The following BLCAP variants were observed in gnomAD, a reference collection of about 807,000 sequenced individuals.
BLCAP encodes the protein apoptosis inducing factor BLCAP.
In BLCAP, 1 loss-of-function variant was observed where a neutral mutation model predicts 5.7. That is an observed-to-expected ratio of 0.18 (90% CI 0.06 to 0.83). The LOEUF (loss-of-function observed/expected upper bound fraction) is 0.83. Among genes scored for constraint, BLCAP ranks in the 40% least tolerant of loss-of-function variants. The pLI, the probability that BLCAP is intolerant of heterozygous loss-of-function variation, is 0.71. For missense variants in BLCAP, 66 were observed against 107.6 expected (o/e 0.61, Z 1.71); for synonymous variants, 48 against 49.4 (o/e 0.97, Z 0.11).
intron 1 of BLCAP, chr20:37,522,588 G>A (rs1232283908): frequency 1.4e-6 from 2 of 1,430,650 alleles, no homozygotes; most frequent in Non-Finnish European, 1.9e-6. Flanking sequence ...AGGGGGTGGG[G>A]CGGGGGTGGG....
At chr20:37,526,362 TC>T (rs557712298) in intron 1 of BLCAP, among the ~76,000 whole-genome samples, 2 of 146,928 alleles carry the variant, frequency 1.4e-5, no homozygotes, top group Non-Finnish European at 3.0e-5. Context: ...CAATCTCTTT[TC>T]CCCCCGGTAA....
rs762381547 is a variant in BLCAP, at chr20:37,518,866, C to T, written c.*45G>A. ...TGCTTTATGACCTATGTCAATGCCT[C>T]CCCTCCCGTCTTCTGCTTCCTTGGA... is the stretch of plus-strand genomic sequence containing the variant. On this transcript the variant is annotated 3_prime_UTR_variant, in exon 2 of 2. Coordinates refer to ENST00000373537, the MANE Select transcript of BLCAP (RefSeq NM_006698.4). 2.5e-5 allele frequency: 40 copies of T among 1,600,516 alleles called. 2 individuals carry two copies. The South Asian group carries it at 4.3e-4, about 17-fold the overall frequency.
chr20:37,519,338 GGCA>G lies in BLCAP; in HGVS notation c.-167_-165del. The G allele has an allele frequency of 1.8e-6, 1 of 565,526 alleles. No individual in the cohort carries two copies. Among genetic ancestry groups the G allele is most frequent in the East Asian group, 4.9e-5 (1 of 20,464 alleles). The allele number at this position is 565,526 out of a possible 1,614,324, so 35.0% of individuals were successfully genotyped here. ...CTGGCTGTCAGCCCGGGATCACCAA[GGCA>G]GCAGGGATCCTGAAGAGAAAAGTCA... On this transcript the variant is annotated 5_prime_UTR_variant, in exon 2 of 2. Coordinates refer to ENST00000373537, the MANE Select transcript of BLCAP (RefSeq NM_006698.4).
chr20:37,526,271 T>TCCCCCCCCCCCCC (rs11477433), intron 1 of BLCAP, among the ~76,000 whole-genome samples: 8 of 125,294 alleles, frequency 6.4e-5, no homozygotes, highest in East Asian at 2.5e-4. Flanking sequence ...GCAGTTAACT[T>TCCCCCCCCCCCCC]CCCCCCCCCA....
intron 1 of BLCAP, among the ~76,000 whole-genome samples, chr20:37,520,019 A>C (rs921157248): frequency 6.6e-5 from 10 of 152,244 alleles, no homozygotes; most frequent in Non-Finnish European, 1.3e-4. Flanking sequence ...TCAATGTAGA[A>C]AAAAAGTCAC....
At chr20:37,526,271 T>TCCCCCCCCC (rs11477433) in intron 1 of BLCAP, among the ~76,000 whole-genome samples, 32 of 125,272 alleles carry the variant, frequency 2.6e-4, no homozygotes, top group Admixed American at 3.4e-4. Flanking sequence ...GCAGTTAACT[T>TCCCCCCCCC]CCCCCCCCCA....
intron 1 of BLCAP, among the ~76,000 whole-genome samples, chr20:37,526,323 T>C (rs1161989864): frequency 8.5e-6 from 1 of 117,714 alleles, no homozygotes; most frequent in Non-Finnish European, 1.6e-5. Context: ...TGTGCACTCA[T>C]GCACATACAC....
At position 37,527,841 on chromosome 20, in the gene BLCAP, C is replaced by G. The variant is rs1446733072; in HGVS notation, c.-225G>C. On this transcript the variant is annotated 5_prime_UTR_variant, in exon 1 of 2. Coordinates refer to ENST00000373537, the MANE Select transcript of BLCAP (RefSeq NM_006698.4). ...CCGCCACTGTCGCCGTCTGCCGCAG[C>G]CTGCCTCCACCTCAGCTCGCCACCG... 2 of 152,632 alleles carry G rather than the reference C, an allele frequency of 1.3e-5. No homozygotes were observed. The highest frequency in any genetic ancestry group is 1.5e-5 in the Non-Finnish European group (1 of 68,336). The allele number at this position is 152,632 out of a possible 1,614,324, so 9.5% of individuals were successfully genotyped here. A position where few individuals can be genotyped will look rare whatever the true frequency, so the allele number is the denominator to read the frequency against.
intron 1 of BLCAP, among the ~76,000 whole-genome samples, chr20:37,526,229 G>C (rs2071715576): frequency 6.6e-6 from 1 of 151,920 alleles, no homozygotes; most frequent in Non-Finnish European, 1.5e-5. Flanking sequence ...ATCTCCTCAG[G>C]AGCCAACACC....
rs2071560149 is a variant in BLCAP at position 37,521,317 on chromosome 20, A to G, written c.-176-1967T>C. ...AACCCTCTTTCTCGACCACCCACCTACCATTCTTGGAACCATGGCGGCAGT... is the reference window on the plus strand; with the variant it reads ...AACCCTCTTTCTCGACCACCCACCTGCCATTCTTGGAACCATGGCGGCAGT... On this transcript the variant is annotated intron_variant, in intron 1 of 1. Transcript: ENST00000373537. The surrounding 1 kb of genome is among the most constrained non-coding windows in gnomAD (Gnocchi z 4.5). 2.5e-6 allele frequency: 4 copies of G among 1,613,426 alleles called. No individual in the cohort carries two copies. Among genetic ancestry groups the G allele is most frequent in the Non-Finnish European group, 3.4e-6 (4 of 1,179,638 alleles).
Position 37,521,185 on chromosome 20 carries a change from C to A in BLCAP, c.-176-1835G>T, listed in dbSNP as rs1005108296. 7.7e-6 allele frequency: 6 copies of A among 779,488 alleles called. No homozygotes were observed. The highest frequency in any genetic ancestry group is 2.5e-5 in the East Asian group (1 of 40,566). The allele number at this position is 779,488 out of a possible 1,614,324, so 48.3% of individuals were successfully genotyped here. A position where few individuals can be genotyped will look rare whatever the true frequency, so the allele number is the denominator to read the frequency against. On this transcript the variant is annotated intron_variant, in intron 1 of 1. Coordinates refer to ENST00000373537, the MANE Select transcript of BLCAP (RefSeq NM_006698.4). The surrounding 1 kb of genome is among the most constrained non-coding windows in gnomAD (Gnocchi z 4.5). ...AGCCACCCCTCCTCATAAACACCCCCCAAGGCGCGCATGCGCACTTAGGTG... is the reference window on the plus strand; with the variant it reads ...AGCCACCCCTCCTCATAAACACCCCACAAGGCGCGCATGCGCACTTAGGTG...
Position 37,521,238 on chromosome 20 carries a change from C to CGCG in BLCAP, c.-176-1891_-176-1889dup. 1 of 1,350,360 alleles carries CGCG rather than the reference C, an allele frequency of 7.4e-7. No homozygotes were observed. Among genetic ancestry groups the CGCG allele is most frequent in the Non-Finnish European group, 1.1e-6 (1 of 944,344 alleles). The allele number at this position is 1,350,360 out of a possible 1,614,324, so 83.6% of individuals were successfully genotyped here. ...GGGCGGGTACTTAAGGCGCGGCCACCGCGGCTGCGGCAGTGCGCCCAACAG... is the reference window on the plus strand; with the variant it reads ...GGGCGGGTACTTAAGGCGCGGCCACCGCGGCGGCTGCGGCAGTGCGCCCAACAG... On this transcript the variant is annotated intron_variant, in intron 1 of 1. Transcript: ENST00000373537. The surrounding 1 kb of genome is among the most constrained non-coding windows in gnomAD (Gnocchi z 4.5).
rs140130807 is a variant in BLCAP, at chr20:37,524,041, G to T, written c.-177+3752C>A. Among the ~76,000 whole-genome samples the T allele has an allele frequency of 8.4e-3, 1,276 of 152,330 alleles. 13 individuals carry two copies. The highest frequency in any genetic ancestry group is 0.012 in the Non-Finnish European group (826 of 68,030). ...ATGAGAGGAGGGGAAAAAGGTGGGAGTAGCCCTCCAAAGAGGTACTAGGGA... is the reference window on the plus strand; with the variant it reads ...ATGAGAGGAGGGGAAAAAGGTGGGATTAGCCCTCCAAAGAGGTACTAGGGA... On this transcript the variant is annotated intron_variant, in intron 1 of 1. Transcript: ENST00000373537.
In BLCAP at chr20:37,521,547, CCG is replaced by C; in HGVS notation, c.-176-2199_-176-2198del. 2 of 791,706 alleles carry C rather than the reference CCG, an allele frequency of 2.5e-6. No individual in the cohort carries two copies. Among genetic ancestry groups the C allele is most frequent in the South Asian group, 3.2e-5 (2 of 62,622 alleles). 49.0% of individuals were successfully genotyped at this position (791,706 alleles called of 1,614,324 possible). On this transcript the variant is annotated intron_variant, in intron 1 of 1. Coordinates refer to ENST00000373537, the MANE Select transcript of BLCAP (RefSeq NM_006698.4). The surrounding 1 kb of genome is among the most constrained non-coding windows in gnomAD (Gnocchi z 4.5). ...GCCTGCCCAAGTGCCGCTGCCGGCACCGCGCGCCCCCTGCCCATTCCCTGCGC... is the reference window on the plus strand; with the variant it reads ...GCCTGCCCAAGTGCCGCTGCCGGCACCGCGCCCCCTGCCCATTCCCTGCGC...
intron 1 of BLCAP, 184 bp downstream of exon 1, chr20:37,527,609 T>TAGGTCCAATC (rs1888566716): frequency 6.6e-6 from 1 of 152,282 alleles, no homozygotes; most frequent in South Asian, 2.1e-4. Context: ...AGGCCCAGGC[T>TAGGTCCAATC]AGGTCCAATC....
At chr20:37,522,598 G>GGGCCCC in intron 1 of BLCAP, 2 of 864,396 alleles carry the variant, frequency 2.3e-6, no homozygotes. Flanking sequence ...GCGGGGGTGG[G>GGGCCCC]CACGGCAGCA....
intron 1 of BLCAP, chr20:37,522,635 A>AC: frequency 6.3e-7 from 1 of 1,588,604 alleles, no homozygotes; most frequent in Middle Eastern, 2.0e-4. Context: ...GGTGCTCTCC[A>AC]CTAAGGGTGG....
chr20:37,518,781 G>A lies in BLCAP; in HGVS notation c.*130C>T, dbSNP rs1351847409. The A allele has an allele frequency of 1.5e-6, 2 of 1,309,108 alleles. No individual in the cohort carries two copies. The highest frequency in any genetic ancestry group is 3.0e-5 in the African/African-American group (2 of 67,594). The allele number at this position is 1,309,108 out of a possible 1,614,324, so 81.1% of individuals were successfully genotyped here. A position where few individuals can be genotyped will look rare whatever the true frequency, so the allele number is the denominator to read the frequency against. On this transcript the variant is annotated 3_prime_UTR_variant, in exon 2 of 2. Transcript: ENST00000373537. The stretch of plus-strand genomic sequence containing the variant: ...CACATTGTAAGGATAAAACATCACA[G>A]GCCAAAAAGGCGCCGTCAGGAATGT...
chr20:37,526,639 A>G (rs2071727535), intron 1 of BLCAP: 1 of 152,234 alleles, frequency 6.6e-6, no homozygotes, highest in Non-Finnish European at 1.5e-5. Context: ...AGTCTAACCC[A>G]GATTCCTCTT....
Sources: allele counts gnomAD v4.1 joint callset (sites outside exome capture counted in the v4.1 genomes callset), GRCh38; gene constraint gnomAD v4.1.1; non-coding constraint Gnocchi (gnomAD v3.1); transcripts MANE v1.5; gene names NCBI Gene and HGNC (gene_info 2026-07-23, HGNC 2026-07-21).